The following RBFOX1 variants were observed in gnomAD, a reference collection of about 807,000 sequenced individuals.
RBFOX1 encodes the protein RNA binding protein fox-1 homolog 1.
Under a neutral mutation model 57.7 loss-of-function variants are expected in RBFOX1, and 8 were observed. The ratio of observed to expected loss-of-function variants is 0.14; its 90% confidence interval spans 0.08 to 0.25. The LOEUF (loss-of-function observed/expected upper bound fraction) is 0.25, where lower values mean the gene tolerates loss of function less well. Ranked by LOEUF, RBFOX1 falls within the 10% of genes least tolerant of loss-of-function variation. The pLI, the probability that RBFOX1 is intolerant of heterozygous loss-of-function variation, is 1.00. For synonymous variants in RBFOX1, 326 were observed against 222.4 expected, an observed-to-expected ratio of 1.47 and a Z score of -4.15; for missense variants, 611 against 548.5, an observed-to-expected ratio of 1.11 and a Z score of -1.14.
intron 4 of RBFOX1, among the ~76,000 whole-genome samples, chr16:7,086,710 G>A (rs1238650605): frequency 9.5e-5 from 2 of 21,116 alleles, no homozygotes; most frequent in Non-Finnish European, 1.6e-4. Flanking sequence ...AGAGAGGGAG[G>A]GAAGAATGTA....
At chr16:7,067,358 T>G (rs1342216427) in intron 4 of RBFOX1, among the ~76,000 whole-genome samples, 1 of 152,082 alleles carries the variant, frequency 6.6e-6, no homozygotes, top group East Asian at 1.9e-4. Flanking sequence ...TGCAGTTCTT[T>G]AGGTCAGAAT....
intron 3 of RBFOX1, among the ~76,000 whole-genome samples, chr16:6,816,317 A>G (rs2090056308): frequency 6.6e-6 from 1 of 152,118 alleles, no homozygotes; most frequent in Non-Finnish European, 1.5e-5. Flanking sequence ...GCAATCAATC[A>G]TTCAGTCAAC....
chr16:7,026,730 C>T (rs1207844885), intron 3 of RBFOX1, among the ~76,000 whole-genome samples: 1 of 152,194 alleles, frequency 6.6e-6, no homozygotes, highest in Non-Finnish European at 1.5e-5. Flanking sequence ...TTCTTCCATA[C>T]CTCCCCTACC....
intron 3 of RBFOX1, among the ~76,000 whole-genome samples, chr16:6,771,656 A>G (rs1293318182): frequency 6.6e-6 from 1 of 152,204 alleles, no homozygotes; most frequent in Non-Finnish European, 1.5e-5. Flanking sequence ...GACATTTGGC[A>G]ATGTCAGGAG....
At chr16:6,961,852 C>T (rs1020473138) in intron 3 of RBFOX1, among the ~76,000 whole-genome samples, 1 of 152,148 alleles carries the variant, frequency 6.6e-6, no homozygotes, top group Non-Finnish European at 1.5e-5. Flanking sequence ...AAGTCACTTT[C>T]CTTGCCATCC....
At chr16:5,723,329 C>G (rs900712887) in intron 3 of RBFOX1, among the ~76,000 whole-genome samples, 12 of 152,184 alleles carry the variant, frequency 7.9e-5, no homozygotes, top group Non-Finnish European at 1.0e-4. Context: ...CATCTCAGGT[C>G]TGATTTTGAG....
intron 4 of RBFOX1, among the ~76,000 whole-genome samples, chr16:7,087,175 C>T (rs2060120196): frequency 6.6e-6 from 1 of 152,178 alleles, no homozygotes; most frequent in African/African-American, 2.4e-5. Flanking sequence ...AGCCGGGTTG[C>T]TGCACATGTT....
rs112871451 is a variant in RBFOX1 at position 6,591,323 on chromosome 16, G to A, written c.-63-63280G>A. On this transcript the variant is annotated intron_variant, in intron 2 of 15. Transcript: ENST00000550418. ...TTTAAGTATTAGCCGGTGCAGTGGTGCATGCCTGTAGTCCCAGCTACTTGG... is the reference window on the plus strand; with the variant it reads ...TTTAAGTATTAGCCGGTGCAGTGGTACATGCCTGTAGTCCCAGCTACTTGG... Among the ~76,000 whole-genome samples the A allele has an allele frequency of 2.9e-3, 442 of 152,186 alleles. 3 individuals carry two copies. Among genetic ancestry groups the A allele is most frequent in the African/African-American group, 0.01 (426 of 41,520 alleles).
chr16:6,159,425 G>A (rs1333387545), intron 1 of RBFOX1, among the ~76,000 whole-genome samples: 1 of 152,114 alleles, frequency 6.6e-6, no homozygotes, highest in African/African-American at 2.4e-5. Flanking sequence ...TTAGTGGTTG[G>A]AATAGTTGTG....
At chr16:5,631,142 C>G (rs1035711514) in intron 3 of RBFOX1, among the ~76,000 whole-genome samples, 2 of 152,164 alleles carry the variant, frequency 1.3e-5, no homozygotes, top group East Asian at 1.9e-4. Context: ...GAAAACTCAA[C>G]CGGTCATTGA....
At chr16:5,651,439 C>T (rs563645174) in intron 3 of RBFOX1, among the ~76,000 whole-genome samples, 180 of 152,194 alleles carry the variant, frequency 1.2e-3, no homozygotes, top group African/African-American at 3.5e-3. Flanking sequence ...TGCTGCCACC[C>T]CAGGTAGACA....
intron 10 of RBFOX1, among the ~76,000 whole-genome samples, chr16:7,613,704 G>C (rs2057957291): frequency 6.6e-6 from 1 of 152,054 alleles, no homozygotes; most frequent in Non-Finnish European, 1.5e-5. Flanking sequence ...GGTCTATGAA[G>C]GCTCCCTCAC....
chr16:6,702,645 T>G (rs2062034992), intron 3 of RBFOX1, among the ~76,000 whole-genome samples: 2 of 152,216 alleles, frequency 1.3e-5, no homozygotes, highest in Admixed American at 1.3e-4. Context: ...ACTTCTAAGA[T>G]ACCCAGCCCA....
In RBFOX1 at chr16:6,851,816, C is replaced by T. The variant is rs374381497; in HGVS notation, c.-16+197166C>T. Among the ~76,000 whole-genome samples the T allele has an allele frequency of 4.6e-5, 7 of 152,276 alleles. 1 individual carries two copies. In the South Asian group the frequency reaches 1.2e-3, roughly 27 times the overall value. On this transcript the variant is annotated intron_variant, in intron 3 of 15. Coordinates refer to ENST00000550418, the MANE Select transcript of RBFOX1 (RefSeq NM_018723.4). ...TAACTCCTTCCTCTGGGCATCAAGG[C>T]GCAGACATGGATGATGCCCTGTGTG...
At chr16:5,369,114 G>A (rs1381879297) in intron 1 of RBFOX1, among the ~76,000 whole-genome samples, 1 of 152,158 alleles carries the variant, frequency 6.6e-6, no homozygotes, top group Non-Finnish European at 1.5e-5. Flanking sequence ...CAGTTCTCCT[G>A]TCTCAGCCTC....
chr16:6,607,904 G>A (rs1046877383), intron 2 of RBFOX1, among the ~76,000 whole-genome samples: 3 of 152,114 alleles, frequency 2.0e-5, no homozygotes, highest in East Asian at 1.9e-4. Context: ...TGTTTCTGGA[G>A]TTGGCAACAT....
chr16:5,795,101 G>C (rs1246566379), intron 3 of RBFOX1, among the ~76,000 whole-genome samples: 1 of 152,184 alleles, frequency 6.6e-6, no homozygotes, highest in Non-Finnish European at 1.5e-5. Context: ...AATGGGAAAA[G>C]AAATACCTAC....
intron 2 of RBFOX1, among the ~76,000 whole-genome samples, chr16:6,558,915 C>A (rs550982828): frequency 1.3e-5 from 2 of 152,096 alleles, no homozygotes; most frequent in Non-Finnish European, 2.9e-5. Context: ...ATGTGCCCCT[C>A]CTGCCTCACC....
At chr16:7,222,974 T>G (rs988701474) in intron 4 of RBFOX1, among the ~76,000 whole-genome samples, 4 of 152,204 alleles carry the variant, frequency 2.6e-5, no homozygotes, top group Non-Finnish European at 5.9e-5. Flanking sequence ...TTGTGCAGCA[T>G]AAACATCTGG....
Sources: allele counts gnomAD v4.1 joint callset (sites outside exome capture counted in the v4.1 genomes callset), GRCh38; gene constraint gnomAD v4.1.1; transcripts MANE v1.5; gene names NCBI Gene and HGNC (gene_info 2026-07-23, HGNC 2026-07-21).